CRTAC1: variants seen among roughly 807,000 people sequenced by gnomAD.
CRTAC1 encodes the protein cartilage acidic protein 1.
A neutral mutation model predicts 67.8 loss-of-function variants in CRTAC1; 37 were observed. That is an observed-to-expected ratio of 0.55 (90% confidence interval 0.42 to 0.72). The LOEUF (loss-of-function observed/expected upper bound fraction) is 0.72, where lower values mean the gene tolerates loss of function less well. CRTAC1 is among the 30% of genes least tolerant of loss of function. The probability of loss-of-function intolerance (pLI) is 0.00; values close to 1 mark genes in which losing one functional copy is unlikely to be tolerated. For missense variants in CRTAC1, 780 were observed against 931.6 expected, an observed-to-expected ratio of 0.84 and a Z score of 2.12; for synonymous variants, 348 against 371.0, an observed-to-expected ratio of 0.94 and a Z score of 0.71.
chr10:98,024,746 CTTTTTTTTTTTTTT>C (rs749919406), intron 1 of CRTAC1, among the ~76,000 whole-genome samples: 21 of 65,024 alleles, frequency 3.2e-4, no homozygotes, highest in African/African-American at 1.1e-3. Flanking sequence ...TTATATTATC[CTTTTTTTTTTTTTT>C]TTTTTTTTTT....
intron 2 of CRTAC1, among the ~76,000 whole-genome samples, chr10:97,991,128 G>GAAA (rs1191868331): frequency 3.0e-5 from 2 of 66,816 alleles, no homozygotes; most frequent in Non-Finnish European, 6.0e-5. Flanking sequence ...AAAAAAAAAA[G>GAAA]ATTATCTCAG....
At chr10:98,003,779 A>G (rs573582843) in intron 2 of CRTAC1, among the ~76,000 whole-genome samples, 1 of 152,216 alleles carries the variant, frequency 6.6e-6, no homozygotes, top group East Asian at 1.9e-4. Context: ...TTCTGTGTGT[A>G]TGTGTGCATG....
chr10:97,896,853 G>T, intron 9 of CRTAC1, 56 bp downstream of exon 9: 1 of 386,974 alleles, frequency 2.6e-6, no homozygotes, highest in South Asian at 1.9e-5. Flanking sequence ...CCTCACCCCA[G>T]TGTATGAACA....
Position 98,029,488 on chromosome 10 carries a change from A to G in CRTAC1, c.24+961T>C, listed in dbSNP as rs1035129444. 2.0e-3 allele frequency among the ~76,000 whole-genome samples: 244 copies of G among 122,838 alleles called. 3 individuals are homozygous for G. Among genetic ancestry groups the G allele is most frequent in the African/African-American group, 7.0e-3 (211 of 29,952 alleles). The allele number at this position is 122,838 out of a possible 152,430, so 80.6% of individuals were successfully genotyped here. On this transcript the variant is annotated intron_variant, in intron 1 of 14. Coordinates refer to ENST00000370597, the MANE Select transcript of CRTAC1 (RefSeq NM_018058.7). The surrounding 1 kb of genome is among the most constrained non-coding windows in gnomAD (Gnocchi z 4.7). ...CACACTGGGTGCACCCACCAGCAGC[A>G]GCAGCGGCGGCGGCGGCGGCGGCGG...
intron 1 of CRTAC1, among the ~76,000 whole-genome samples, chr10:98,012,314 C>G (rs760094570): frequency 6.6e-6 from 1 of 152,094 alleles, no homozygotes; most frequent in African/African-American, 2.4e-5. Context: ...GATTCCACCC[C>G]CCTTGAGTGA....
At chr10:98,007,669 T>C (rs956047216) in intron 2 of CRTAC1, among the ~76,000 whole-genome samples, 3 of 152,188 alleles carry the variant, frequency 2.0e-5, no homozygotes, top group Non-Finnish European at 4.4e-5. Context: ...GAAGAAGAGA[T>C]AGGGGTCTCT....
At chr10:97,985,048 C>G (rs536000041) in intron 2 of CRTAC1, among the ~76,000 whole-genome samples, 35 of 152,306 alleles carry the variant, frequency 2.3e-4, no homozygotes, top group African/African-American at 8.2e-4. Flanking sequence ...CTCGTGGCTC[C>G]ACCCCTTGGC....
intron 6 of CRTAC1, among the ~76,000 whole-genome samples, chr10:97,907,684 G>A (rs1417763768): frequency 6.6e-6 from 1 of 152,062 alleles, no homozygotes; most frequent in Non-Finnish European, 1.5e-5. Flanking sequence ...GGGGGCCAAG[G>A]TGGGGAGAGG....
chr10:97,977,879 C>T (rs1487005672), intron 2 of CRTAC1, among the ~76,000 whole-genome samples: 2 of 152,158 alleles, frequency 1.3e-5, no homozygotes, highest in Non-Finnish European at 2.9e-5. Flanking sequence ...GAGGCTGTGC[C>T]TAAGACAAAG....
chr10:97,912,853 A>G (rs2050707010), intron 5 of CRTAC1, among the ~76,000 whole-genome samples: 1 of 152,200 alleles, frequency 6.6e-6, no homozygotes, highest in Non-Finnish European at 1.5e-5. Context: ...CTACTAGCTT[A>G]CTTTGCAATG....
At chr10:97,936,440 G>C in intron 2 of CRTAC1, 74 bp from the exon 3 acceptor site, 2 of 1,263,922 alleles carry the variant, frequency 1.6e-6, no homozygotes, top group Non-Finnish European at 1.1e-6. Context: ...CCAGAGCAAC[G>C]GGCTGGGAGT....
In CRTAC1 at chr10:97,899,574, A is replaced by G. The variant is rs150566998; in HGVS notation, c.1133+1929T>C. ...AAAGCAGTGTCTCTGTTAACTAGCAATTGATCTTCTGCAATTTATCTGGAA... is the reference window on the plus strand; with the variant it reads ...AAAGCAGTGTCTCTGTTAACTAGCAGTTGATCTTCTGCAATTTATCTGGAA... On this transcript the variant is annotated intron_variant, in intron 8 of 14. Coordinates refer to ENST00000370597, the MANE Select transcript of CRTAC1 (RefSeq NM_018058.7). Among the ~76,000 whole-genome samples the G allele has an allele frequency of 2.2e-3, 329 of 152,334 alleles. 1 individual carries two copies. Among genetic ancestry groups the G allele is most frequent in the African/African-American group, 7.2e-3 (301 of 41,562 alleles).
chr10:98,020,733 A>G (rs1164643654), intron 1 of CRTAC1, among the ~76,000 whole-genome samples: 1 of 152,224 alleles, frequency 6.6e-6, no homozygotes, highest in East Asian at 1.9e-4. Context: ...AGGTTTGTGT[A>G]GTGCAGTGAG....
At chr10:97,954,634 C>T (rs149031855) in intron 2 of CRTAC1, among the ~76,000 whole-genome samples, 46 of 152,280 alleles carry the variant, frequency 3.0e-4, no homozygotes, top group African/African-American at 1.1e-3. Context: ...CCATATATAG[C>T]GCATGAGCTG....
intron 2 of CRTAC1, among the ~76,000 whole-genome samples, chr10:97,978,443 C>T (rs1192479592): frequency 6.6e-6 from 1 of 152,164 alleles, no homozygotes; most frequent in Non-Finnish European, 1.5e-5. Flanking sequence ...CATCATTACT[C>T]CAATGAGACG....
intron 2 of CRTAC1, among the ~76,000 whole-genome samples, chr10:97,993,003 T>C (rs552176259): frequency 6.6e-6 from 1 of 152,362 alleles, no homozygotes; most frequent in African/African-American, 2.4e-5. Flanking sequence ...TTTCACAGTG[T>C]ATACATATTT....
At chr10:97,994,037 A>G (rs751633742) in intron 2 of CRTAC1, among the ~76,000 whole-genome samples, 1 of 152,088 alleles carries the variant, frequency 6.6e-6, no homozygotes, top group Non-Finnish European at 1.5e-5. Context: ...TTGTATTTTT[A>G]GTAGACATGG....
chr10:97,880,301 G>A lies in CRTAC1; in HGVS notation c.1767C>T (p.Asn589=). 1.2e-6 allele frequency: 2 copies of A among 1,614,232 alleles called. No homozygotes were observed. Among genetic ancestry groups the A allele is most frequent in the South Asian group, 2.2e-5 (2 of 91,082 alleles). Residue 589 remains asparagine (N), a synonymous_variant, in exon 14 of 15, where the codon AAC becomes AAT. Transcript: ENST00000370597. ...GCTCGTAGCCCCGACTGCACTTCTT[G>A]TTGGTCCGGCACCTGTAGCTTCCAT... The part of the protein sequence containing the change: ...NTYGSYRCRT[N]KKCSRGYEPN...
chr10:97,872,886 G>A (rs918924074), intron 14 of CRTAC1, among the ~76,000 whole-genome samples: 2 of 152,210 alleles, frequency 1.3e-5, no homozygotes, highest in Admixed American at 6.5e-5. Flanking sequence ...AGTGATGGAT[G>A]TGTCTTGTTG....
Sources: allele counts gnomAD v4.1 joint callset (sites outside exome capture counted in the v4.1 genomes callset), GRCh38; gene constraint gnomAD v4.1.1; non-coding constraint Gnocchi (gnomAD v3.1); transcripts MANE v1.5; gene names NCBI Gene and HGNC (gene_info 2026-07-23, HGNC 2026-07-21).